Variants in CACNG2 observed in about 807,000 individuals in gnomAD.
CACNG2 encodes calcium voltage-gated channel auxiliary subunit gamma 2, also known as voltage-dependent calcium channel gamma-2 subunit.
In CACNG2, 3 loss-of-function variants were observed where a neutral mutation model predicts 25.9. The ratio of observed to expected loss-of-function variants is 0.12; its 90% confidence interval spans 0.05 to 0.30. CACNG2 has a LOEUF of 0.30. Among genes scored for constraint, CACNG2 ranks in the 10% least tolerant of loss-of-function variants. The pLI is 1.00. For missense variants in CACNG2, 341 were observed against 432.5 expected (o/e 0.79, Z 1.88); for synonymous variants, 167 against 173.3 (o/e 0.96, Z 0.29).
intron 1 of CACNG2, among the ~76,000 whole-genome samples, chr22:36,670,641 T>C (rs1462154360): frequency 6.6e-6 from 1 of 152,168 alleles, no homozygotes; most frequent in East Asian, 1.9e-4. Context: ...TTTTGTTTTG[T>C]TTTGTTTTTT....
At chr22:36,668,873 G>A (rs1936910028) in intron 1 of CACNG2, among the ~76,000 whole-genome samples, 2 of 152,108 alleles carry the variant, frequency 1.3e-5, no homozygotes, top group African/African-American at 4.8e-5. Context: ...AGGAGAAGAT[G>A]GATGTCCCAG....
rs1418745013 is a variant in CACNG2, at chr22:36,623,011, GGTTT to G, written c.212-35467_212-35464del. Among the ~76,000 whole-genome samples the G allele has an allele frequency of 2.5e-3, 235 of 93,192 alleles. 9 individuals carry two copies. The highest frequency in any genetic ancestry group is 9.2e-3 in the African/African-American group (210 of 22,752). 61.1% of individuals were successfully genotyped at this position (93,192 alleles called of 152,430 possible). A position where few individuals can be genotyped will look rare whatever the true frequency, so the allele number is the denominator to read the frequency against. ...TTTCTCATTCAGTCTTCAAAACATG[GGTTT>G]TTTTTTTTTTTTTTTTTTTTTGAGA... On this transcript the variant is annotated intron_variant, in intron 1 of 3. Coordinates refer to ENST00000300105, the MANE Select transcript of CACNG2 (RefSeq NM_006078.5).
chr22:36,617,865 C>A (rs987982898), intron 1 of CACNG2, among the ~76,000 whole-genome samples: 2 of 151,556 alleles, frequency 1.3e-5, no homozygotes, highest in Non-Finnish European at 2.9e-5. Flanking sequence ...TGTTGAACAC[C>A]TGCCACATTC....
Position 36,647,596 on chromosome 22 carries a change from C to CAA in CACNG2, c.211+54768_211+54769dup, listed in dbSNP as rs34930900. ...GGGCAACAGAGCAAAAACTCCATAT[C>CAA]AAAAAAAAAATGCAAATCTGATTAC... On this transcript the variant is annotated intron_variant, in intron 1 of 3. Transcript: ENST00000300105. 9.2e-3 allele frequency among the ~76,000 whole-genome samples: 1,382 copies of CAA among 149,414 alleles called. 26 individuals carry two copies. Among genetic ancestry groups the CAA allele is most frequent in the African/African-American group, 0.032 (1,299 of 40,870 alleles).
At chr22:36,635,801 C>T (rs543267720) in intron 1 of CACNG2, among the ~76,000 whole-genome samples, 2 of 152,156 alleles carry the variant, frequency 1.3e-5, no homozygotes, top group Non-Finnish European at 2.9e-5. Flanking sequence ...GGTCTTTTCC[C>T]AGCATCTCTT....
At chr22:36,622,469 A>C (rs1936120374) in intron 1 of CACNG2, among the ~76,000 whole-genome samples, 1 of 152,246 alleles carries the variant, frequency 6.6e-6, no homozygotes. Context: ...CCATGGGTTT[A>C]GATCTTACTT....
At chr22:36,680,628 CCACTAACACCACCATCAT>C (rs1937101141) in intron 1 of CACNG2, among the ~76,000 whole-genome samples, 1 of 133,254 alleles carries the variant, frequency 7.5e-6, no homozygotes. Flanking sequence ...ACCATCACCA[CCACTAACACCACCATCAT>C]TATCACCACC....
At position 36,606,417 on chromosome 22, in the gene CACNG2, C is replaced by T. The variant is rs1935833885; in HGVS notation, c.212-18869G>A. On this transcript the variant is annotated intron_variant, in intron 1 of 3. Transcript: ENST00000300105. This position sits in a 1 kb window ranked among gnomAD's most constrained non-coding sequence, Gnocchi z 5.7. ...GGAGGGACAGAGGGGTGAAGGAACG[C>T]CTCTAAAGATTCATTGCTCGTGTAA... Among the ~76,000 whole-genome samples the T allele has an allele frequency of 6.6e-6, 1 of 152,148 alleles. No individual in the cohort carries two copies. The highest frequency in any genetic ancestry group is 1.5e-5 in the Non-Finnish European group (1 of 68,026).
Position 36,564,203 on chromosome 22 carries a change from GTTTT to G in CACNG2, c.*144_*147del. 1.6e-6 allele frequency: 1 copy of G among 632,580 alleles called. No homozygotes were observed. The allele number at this position is 632,580 out of a possible 1,614,324, so 39.2% of individuals were successfully genotyped here. On this transcript the variant is annotated 3_prime_UTR_variant, in exon 4 of 4. Transcript: ENST00000300105. The surrounding 1 kb of genome is among the most constrained non-coding windows in gnomAD (Gnocchi z 6.7). ...TTTTTCTCTTTTTTTGTGTGTGTGT[GTTTT>G]TTTGTTTTTTGTTTTTTTGTTTTTT...
At chr22:36,610,206 C>A (rs957393392) in intron 1 of CACNG2, among the ~76,000 whole-genome samples, 5 of 151,540 alleles carry the variant, frequency 3.3e-5, no homozygotes, top group African/African-American at 1.2e-4. Flanking sequence ...GAGGAATCAG[C>A]CCCTTAGAGC....
At chr22:36,640,384 A>G (rs1453236058) in intron 1 of CACNG2, among the ~76,000 whole-genome samples, 2 of 152,180 alleles carry the variant, frequency 1.3e-5, no homozygotes, top group African/African-American at 2.4e-5. Context: ...CAGCCTCCAA[A>G]AATCCTTCTT....
chr22:36,651,903 G>C (rs770732536), intron 1 of CACNG2, among the ~76,000 whole-genome samples: 3 of 152,096 alleles, frequency 2.0e-5, no homozygotes, highest in Non-Finnish European at 4.4e-5. Flanking sequence ...TCGCTCTGTT[G>C]CCCAGGTTGG....
intron 1 of CACNG2, among the ~76,000 whole-genome samples, chr22:36,672,087 T>G (rs541136134): frequency 6.6e-6 from 1 of 152,082 alleles, no homozygotes. Context: ...TGGACCTTGG[T>G]GTGCTGGGGT....
rs953991019 is a variant in CACNG2, at chr22:36,606,975, G to C, written c.212-19427C>G. 6.6e-6 allele frequency among the ~76,000 whole-genome samples: 1 copy of C among 151,606 alleles called. No individual in the cohort carries two copies. Among genetic ancestry groups the C allele is most frequent in the Non-Finnish European group, 1.5e-5 (1 of 67,864 alleles). ...GTGTAGGTATTATGTGTATGTCTGT[G>C]TGTGGTGTGTTTGTATGTGTGTGGT... On this transcript the variant is annotated intron_variant, in intron 1 of 3. Transcript: ENST00000300105. The surrounding 1 kb of genome is among the most constrained non-coding windows in gnomAD (Gnocchi z 5.7).
At chr22:36,583,104 G>A (rs1935446549) in intron 2 of CACNG2, among the ~76,000 whole-genome samples, 1 of 152,196 alleles carries the variant, frequency 6.6e-6, no homozygotes, top group East Asian at 1.9e-4. Flanking sequence ...GGCATGGATT[G>A]TGCCCCATCC....
Position 36,645,929 on chromosome 22 carries a change from T to C in CACNG2, c.211+56437A>G, listed in dbSNP as rs200936097. ...AAATTACCTGCATAGAGTCAGACTT[T>C]TTTGGATAGAACATCCTTCGCGTTA... On this transcript the variant is annotated intron_variant, in intron 1 of 3. Coordinates refer to ENST00000300105, the MANE Select transcript of CACNG2 (RefSeq NM_006078.5). Among the ~76,000 whole-genome samples, 59 of 152,348 alleles carry C rather than the reference T, an allele frequency of 3.9e-4. 1 individual carries two copies. The East Asian group carries it at 4.4e-3, about 11-fold the overall frequency.
At position 36,564,520 on chromosome 22, in the gene CACNG2, A is replaced by T; in HGVS notation, c.803T>A (p.Ile268Asn). 1 of 1,613,492 alleles carries T rather than the reference A, an allele frequency of 6.2e-7. No homozygotes were observed. The highest frequency in any genetic ancestry group is 2.2e-5 in the East Asian group (1 of 44,862). ...KGFNTLPSTE[I>N]SMYTLSRDPL... ...GTCCCTGCTGAGCGTGTACATGGAG[A>T]TCTCCGTGGACGGCAGGGTGTTGAA... Residue 268 changes from isoleucine to asparagine, a missense_variant, in exon 4 of 4, where the codon ATC becomes AAC. Physicochemically the swap from Ile to Asn is moderately radical, Grantham distance 149 (BLOSUM62 -3). Transcript: ENST00000300105. The surrounding 1 kb of genome is among the most constrained non-coding windows in gnomAD (Gnocchi z 6.7).
chr22:36,615,426 ATT>A (rs1936007657), intron 1 of CACNG2, among the ~76,000 whole-genome samples: 1 of 152,012 alleles, frequency 6.6e-6, no homozygotes, highest in Non-Finnish European at 1.5e-5. Flanking sequence ...TGGATTCCTG[ATT>A]TCTCTTTCCA....
Position 36,681,939 on chromosome 22 carries a change from T to C in CACNG2, c.211+20427A>G, listed in dbSNP as rs1399854277. On this transcript the variant is annotated intron_variant, in intron 1 of 3. Transcript: ENST00000300105. ...CTCTCTATTGGGTCCATTTCTGGTA[T>C]GGCCAAAGGATGCCAAGTCTGCATG... Among the ~76,000 whole-genome samples, 5 of 152,326 alleles carry C rather than the reference T, an allele frequency of 3.3e-5. No homozygotes were observed. The South Asian group carries it at 8.3e-4, about 25-fold the overall frequency.
Sources: allele counts gnomAD v4.1 joint callset (sites outside exome capture counted in the v4.1 genomes callset), GRCh38; gene constraint gnomAD v4.1.1; non-coding constraint Gnocchi (gnomAD v3.1); transcripts MANE v1.5; gene names NCBI Gene and HGNC (gene_info 2026-07-23, HGNC 2026-07-21).